The following BMP4 variants were observed in gnomAD, a reference collection of about 807,000 sequenced individuals.
BMP4 encodes bone morphogenetic protein 4, also known as bone morphogenetic protein 2B.
BMP4 carries 3 observed loss-of-function variants against 29.6 expected under a neutral mutation model. The observed-to-expected ratio is 0.10, with a 90% CI of 0.05 to 0.26. The LOEUF is 0.26. BMP4 is among the 10% of genes least tolerant of loss of function. The pLI, the probability that BMP4 is intolerant of heterozygous loss-of-function variation, is 1.00. For synonymous variants in BMP4, 197 were observed against 213.2 expected, an observed-to-expected ratio of 0.92 and a Z score of 0.66; for missense variants, 455 against 550.2, an observed-to-expected ratio of 0.83 and a Z score of 1.73.
chr14:53,956,195 G>C (rs965279385), intron 1 of BMP4, among the ~76,000 whole-genome samples: 1 of 151,604 alleles, frequency 6.6e-6, no homozygotes, highest in African/African-American at 2.4e-5. Context: ...TCCTCCTCCC[G>C]CGCTTTCCGT....
chr14:53,953,142 A>C, intron 2 of BMP4, 134 bp downstream of exon 2: 1 of 385,138 alleles, frequency 2.6e-6, no homozygotes, highest in Non-Finnish European at 4.6e-6. Context: ...CGGGCCAAGA[A>C]GGGAGCGACA....
chr14:53,952,004 A>G lies in BMP4; in HGVS notation c.219T>C (p.Pro73=), dbSNP rs749241283. Residue 73 remains proline, a synonymous_variant, in exon 3 of 4, where the codon CCT becomes CCC. Transcript: ENST00000245451. Reference sequence around the variant, plus strand: ...AGTCCGGAATGACGGCACTCTTGCTAGGCTGCGGGCGGCGGCGCAGCCCAA... The same window carrying G: ...AGTCCGGAATGACGGCACTCTTGCTGGGCTGCGGGCGGCGGCGCAGCCCAA... ...QMFGLRRRPQ[P]SKSAVIPDYM... 3 of 1,613,870 alleles carry G rather than the reference A, an allele frequency of 1.9e-6. No homozygotes were observed. Among genetic ancestry groups the G allele is most frequent in the Admixed American group, 1.7e-5 (1 of 60,038 alleles).
intron 1 of BMP4, among the ~76,000 whole-genome samples, chr14:53,953,810 C>T (rs890471479): frequency 6.6e-6 from 1 of 152,042 alleles, no homozygotes; most frequent in African/African-American, 2.4e-5. Flanking sequence ...AGCTCGAACC[C>T]GGCTTAAGTG....
chr14:53,953,061 A>C (rs1895531609), intron 2 of BMP4, among the ~76,000 whole-genome samples: 1 of 152,128 alleles, frequency 6.6e-6, no homozygotes, highest in Admixed American at 6.5e-5. Context: ...CCTTTCTTGC[A>C]ACGCTGAGAG....
chr14:53,951,021 G>T, intron 3 of BMP4, 133 bp from the exon 4 acceptor site: 1 of 1,252,738 alleles, frequency 8.0e-7, no homozygotes, highest in Non-Finnish European at 1.1e-6. Context: ...CCTACTGGGG[G>T]AAAATAAGCA....
intron 2 of BMP4, among the ~76,000 whole-genome samples, chr14:53,953,008 G>A (rs1273700923): frequency 6.6e-6 from 1 of 152,130 alleles, no homozygotes; most frequent in East Asian, 1.9e-4. Context: ...TAGCCCTCAA[G>A]GTACAACCCC....
In BMP4 at chr14:53,954,804, A is replaced by G. The variant is rs1244428359; in HGVS notation, c.-132-1404T>C. On this transcript the variant is annotated intron_variant, in intron 1 of 3. Coordinates refer to ENST00000245451, the MANE Select transcript of BMP4 (RefSeq NM_001202.6). This position sits in a 1 kb window ranked among gnomAD's most constrained non-coding sequence, Gnocchi z 4.8. ...CCCCATGACTCCTGCCCCAAAGCCCACTCCACCCGACCTCCCTTTCCTGAG... is the reference window on the plus strand; with the variant it reads ...CCCCATGACTCCTGCCCCAAAGCCCGCTCCACCCGACCTCCCTTTCCTGAG... Among the ~76,000 whole-genome samples the G allele has an allele frequency of 6.6e-6, 1 of 151,336 alleles. No individual in the cohort carries two copies. Among genetic ancestry groups the G allele is most frequent in the Non-Finnish European group, 1.5e-5 (1 of 67,822 alleles).
chr14:53,951,878 G>A lies in BMP4; in HGVS notation c.345C>T (p.Asn115=), dbSNP rs143687498. 8.7e-4 allele frequency: 1,394 copies of A among 1,599,938 alleles called. No homozygotes were observed. Among genetic ancestry groups the A allele is most frequent in the Non-Finnish European group, 1.1e-3 (1,272 of 1,179,954 alleles). ...CTTCGTGGTGGAAGCTCCTCACGGT[G>A]TTGGCCCGGCTGGCCGGGCGCTCAG... The part of the protein sequence containing the change: ...EYPERPASRA[N]TVRSFHHEEH... Residue 115 remains asparagine, a synonymous_variant, in exon 3 of 4, where the codon AAC becomes AAT. Transcript: ENST00000245451.
chr14:53,952,085 G>A lies in BMP4; in HGVS notation c.138C>T (p.Arg46=). Residue 46 remains arginine (R), a synonymous_variant, in exon 3 of 4, where the codon CGC becomes CGT. Transcript: ENST00000245451. The part of the protein sequence containing the change: ...AEIQGHAGGR[R]SGQSHELLRD... ...GCAGGAGCTCATGGCTCTGCCCTGA[G>A]CGGCGTCCTCCCGCGTGGCCCTGAA... is the stretch of plus-strand genomic sequence containing the variant. 1 of 1,614,094 alleles carries A rather than the reference G, an allele frequency of 6.2e-7. No individual in the cohort carries two copies. Among genetic ancestry groups the A allele is most frequent in the Non-Finnish European group, 8.5e-7 (1 of 1,179,938 alleles).
chr14:53,952,714 G>C (rs1185062139), intron 2 of BMP4, among the ~76,000 whole-genome samples: 1 of 152,182 alleles, frequency 6.6e-6, no homozygotes, highest in Non-Finnish European at 1.5e-5. Flanking sequence ...GAGCCAGAGG[G>C]AGGGAAAGTG....
At position 53,955,196 on chromosome 14, in the gene BMP4, C is replaced by G. The variant is rs1037544084; in HGVS notation, c.-133+1354G>C. On this transcript the variant is annotated intron_variant, in intron 1 of 3. Transcript: ENST00000245451. The surrounding 1 kb of genome is among the most constrained non-coding windows in gnomAD (Gnocchi z 4.0). The stretch of plus-strand genomic sequence containing the variant: ...GAGACGCAGAAGCCCTTTAAAAAGC[C>G]CGGCGAGGAGAGGTCCAGAAGTAGA... Among the ~76,000 whole-genome samples the G allele has an allele frequency of 2.0e-5, 3 of 152,176 alleles. No individual in the cohort carries two copies. Among genetic ancestry groups the G allele is most frequent in the African/African-American group, 7.2e-5 (3 of 41,448 alleles).
At chr14:53,953,188 G>T (rs1336328192) in intron 2 of BMP4, 88 bp downstream of exon 2, 2 of 392,168 alleles carry the variant, frequency 5.1e-6, no homozygotes, top group African/African-American at 4.1e-5. Context: ...TATTGTAAAG[G>T]AGGTCCGACG....
At chr14:53,951,683 A>G in intron 3 of BMP4, 170 bp downstream of exon 3, 1 of 1,097,010 alleles carries the variant, frequency 9.1e-7, no homozygotes, top group South Asian at 1.6e-5. Context: ...TGTCTCCAAA[A>G]AATAAGTTCG....
rs767969165 is a variant in BMP4 at position 53,950,429 on chromosome 14, T to C, written c.830A>G (p.His277Arg). The change falls in exon 4 of 4, where the codon CAT becomes CGT. Residue 277 changes from histidine to arginine, a missense_variant. Around this residue, in one of 4 missense-constraint regions of BMP4, gnomAD observed 154 missense variants for 156.8 expected, o/e 0.98. Coordinates refer to ENST00000245451, the MANE Select transcript of BMP4 (RefSeq NM_001202.6). This position sits in a 1 kb window ranked among gnomAD's most constrained non-coding sequence, Gnocchi z 5.4. ...GGTCAAGGCATGGCCCCGGCCATCA[T>C]GGCCAAAGGTGACCAGGAGGGGCCG... ...QLRPLLVTFG[H>R]DGRGHALTRR... 5.0e-6 allele frequency: 8 copies of C among 1,613,950 alleles called. No individual in the cohort carries two copies. In the South Asian group the frequency reaches 6.6e-5, roughly 13 times the overall value.
At chr14:53,952,250 G>A in intron 2 of BMP4, 21 bp from the exon 3 acceptor site, 1 of 1,612,198 alleles carries the variant, frequency 6.2e-7, no homozygotes, top group Non-Finnish European at 8.5e-7. Flanking sequence ...GGAGGGGAGT[G>A]GAAGGTTAAA....
chr14:53,954,005 C>T lies in BMP4; in HGVS notation c.-132-605G>A, dbSNP rs1487052651. 6.6e-6 allele frequency among the ~76,000 whole-genome samples: 1 copy of T among 151,996 alleles called. No homozygotes were observed. The highest frequency in any genetic ancestry group is 1.5e-5 in the Non-Finnish European group (1 of 67,992). ...AGGGTCTCCTCAAGGCCAAATATTG[C>T]TCCCAATGACAGCCAGTCACCCCTT... On this transcript the variant is annotated intron_variant, in intron 1 of 3. Transcript: ENST00000245451. This position sits in a 1 kb window ranked among gnomAD's most constrained non-coding sequence, Gnocchi z 4.8.
Position 53,950,083 on chromosome 14 carries a change from C to G in BMP4, c.1176G>C (p.Val392=), listed in dbSNP as rs1248669414. 1 of 1,614,094 alleles carries G rather than the reference C, an allele frequency of 6.2e-7. No homozygotes were observed. The highest frequency in any genetic ancestry group is 1.7e-5 in the Admixed American group (1 of 60,008). ...SMLYLDEYDK[V]VLKNYQEMVV... ...CCATCTCCTGATAATTTTTCAGTACCACCTTATCATACTCATCCAGGTACA... is the reference window on the plus strand; with the variant it reads ...CCATCTCCTGATAATTTTTCAGTACGACCTTATCATACTCATCCAGGTACA... The change falls in exon 4 of 4, where the codon GTG becomes GTC. Residue 392 remains valine (V), a synonymous_variant. Transcript: ENST00000245451. The surrounding 1 kb of genome is among the most constrained non-coding windows in gnomAD (Gnocchi z 5.4).
In BMP4 at chr14:53,955,303, C is replaced by T. The variant is rs1382144253; in HGVS notation, c.-133+1247G>A. Among the ~76,000 whole-genome samples the T allele has an allele frequency of 6.6e-6, 1 of 152,218 alleles. No homozygotes were observed. The highest frequency in any genetic ancestry group is 1.5e-5 in the Non-Finnish European group (1 of 68,042). ...GCGCCCGGGTTCCCCGGAAAACCCTCGGCCCCAAGGAATCTCCTGGGGCGG... is the reference window on the plus strand; with the variant it reads ...GCGCCCGGGTTCCCCGGAAAACCCTTGGCCCCAAGGAATCTCCTGGGGCGG... On this transcript the variant is annotated intron_variant, in intron 1 of 3. Coordinates refer to ENST00000245451, the MANE Select transcript of BMP4 (RefSeq NM_001202.6). The surrounding 1 kb of genome is among the most constrained non-coding windows in gnomAD (Gnocchi z 4.0).
rs539120233 is a variant in BMP4, at chr14:53,952,010, C to A, written c.213G>T (p.Pro71=). The change falls in exon 3 of 4, where the codon CCG becomes CCT. Residue 71 remains proline, a synonymous_variant. Coordinates refer to ENST00000245451, the MANE Select transcript of BMP4 (RefSeq NM_001202.6). The part of the protein sequence containing the change: ...LLQMFGLRRR[P]QPSKSAVIPD... ...GAATGACGGCACTCTTGCTAGGCTG[C>A]GGGCGGCGGCGCAGCCCAAACATCT... 151 of 1,613,850 alleles carry A rather than the reference C, an allele frequency of 9.4e-5. No homozygotes were observed. In the South Asian group the frequency reaches 1.6e-3, roughly 17 times the overall value.
Sources: gnomAD v4.1 joint callset for allele counts (sites outside exome capture counted in the v4.1 genomes callset) on GRCh38, gnomAD v4.1.1 for gene constraint, gnomAD v4.1.1 regional missense constraint, Gnocchi (gnomAD v3.1) non-coding constraint, MANE v1.5 for transcripts, NCBI Gene and HGNC (gene_info 2026-07-23, HGNC 2026-07-21) for gene names.